Variants in CDH6 observed in about 807,000 individuals in gnomAD.
The protein encoded by CDH6 is cadherin-6.
In CDH6, 31 loss-of-function variants were observed where a neutral mutation model predicts 78.0. The observed-to-expected ratio is 0.40, with a 90% CI of 0.30 to 0.54. The LOEUF is 0.54. CDH6 is among the 20% of genes least tolerant of loss of function. CDH6 has a pLI of 0.56. For missense variants in CDH6, 724 were observed against 975.9 expected (o/e 0.74, Z 3.44); for synonymous variants, 376 against 368.8 (o/e 1.02, Z -0.23).
At chr5:31,279,650 G>T (rs1184034940) in intron 2 of CDH6, among the ~76,000 whole-genome samples, 1 of 152,086 alleles carries the variant, frequency 6.6e-6, no homozygotes, top group Non-Finnish European at 1.5e-5. Flanking sequence ...TTAAGTGGAG[G>T]TGGATCATCA....
At chr5:31,304,930 G>A (rs903895277) in intron 6 of CDH6, among the ~76,000 whole-genome samples, 1 of 152,002 alleles carries the variant, frequency 6.6e-6, no homozygotes, top group Non-Finnish European at 1.5e-5. Flanking sequence ...ATTTTTCAGG[G>A]CTGTGTGGCT....
chr5:31,321,261 A>T (rs2149961664), intron 11 of CDH6, among the ~76,000 whole-genome samples: 1 of 146,242 alleles, frequency 6.8e-6, no homozygotes, highest in South Asian at 2.1e-4. Context: ...GAATGGTTGC[A>T]TCAAACAAGG....
chr5:31,313,262 T>G (rs1025805178), intron 7 of CDH6, 56 bp from the exon 8 acceptor site: 49 of 1,490,526 alleles, frequency 3.3e-5, no homozygotes, highest in Non-Finnish European at 4.4e-5. Flanking sequence ...TGTTCTATGA[T>G]GTGAGAATAG....
At chr5:31,253,246 C>A (rs749442070) in intron 1 of CDH6, among the ~76,000 whole-genome samples, 1 of 152,150 alleles carries the variant, frequency 6.6e-6, no homozygotes, top group African/African-American at 2.4e-5. Context: ...CGGAGGGACC[C>A]AGTGGGAGGT....
chr5:31,224,963 A>G (rs1741108780), intron 1 of CDH6, among the ~76,000 whole-genome samples: 1 of 152,172 alleles, frequency 6.6e-6, no homozygotes, highest in Non-Finnish European at 1.5e-5. Flanking sequence ...ACTACAGGTG[A>G]TTTTGCTCCC....
chr5:31,205,993 T>C (rs6896244), intron 1 of CDH6, among the ~76,000 whole-genome samples: 64,050 of 152,012 alleles, frequency 0.42, 13,958 homozygotes, highest in South Asian at 0.55. Flanking sequence ...AATTAAGCAA[T>C]TTGCCCAAGG....
chr5:31,256,301 G>A (rs191125628), intron 1 of CDH6, among the ~76,000 whole-genome samples: 3 of 152,210 alleles, frequency 2.0e-5, no homozygotes, highest in African/African-American at 7.2e-5. Context: ...TTTTTAATTA[G>A]TGGGGATTAA....
intron 7 of CDH6, among the ~76,000 whole-genome samples, chr5:31,312,555 G>A (rs917246013): frequency 1.3e-5 from 2 of 152,138 alleles, no homozygotes; most frequent in Non-Finnish European, 2.9e-5. Flanking sequence ...GCAGGGCATG[G>A]TGACACGCAC....
chr5:31,235,179 T>C (rs1741417483), intron 1 of CDH6, among the ~76,000 whole-genome samples: 1 of 151,780 alleles, frequency 6.6e-6, no homozygotes, highest in African/African-American at 2.4e-5. Flanking sequence ...TCAATTTCTT[T>C]AGGGTTTAAA....
At position 31,302,118 on chromosome 5, in the gene CDH6, C is replaced by T. The variant is rs779643963; in HGVS notation, c.819C>T (p.Tyr273=). ...CTGTCTGGTGATTAATAGGTACATA[C>T]CAGTTTAAAACTCCTGAATCTTCTC... ...DNPPRFPQST[Y]QFKTPESSPP... is the part of the protein sequence containing the mutation. The change falls in exon 6 of 12, where the codon TAC becomes TAT. Residue 273 remains tyrosine (Y), a synonymous_variant. Coordinates refer to ENST00000265071, the MANE Select transcript of CDH6 (RefSeq NM_004932.4). 1.4e-5 allele frequency: 23 copies of T among 1,611,564 alleles called. No homozygotes were observed. In the South Asian group the frequency reaches 2.2e-4, roughly 15 times the overall value.
chr5:31,207,759 G>A (rs998416615), intron 1 of CDH6, among the ~76,000 whole-genome samples: 4 of 152,170 alleles, frequency 2.6e-5, no homozygotes, highest in African/African-American at 9.6e-5. Flanking sequence ...TTGTGTTGGA[G>A]GTTAGTTTTC....
intron 1 of CDH6, among the ~76,000 whole-genome samples, chr5:31,194,472 G>C (rs186343914): frequency 5.3e-5 from 8 of 152,276 alleles, no homozygotes; most frequent in Non-Finnish European, 2.9e-5. Flanking sequence ...CTAAAGAGAC[G>C]ATTTGGCTGG....
intron 1 of CDH6, among the ~76,000 whole-genome samples, chr5:31,256,955 A>C (rs1488391066): frequency 6.6e-6 from 1 of 152,194 alleles, no homozygotes; most frequent in African/African-American, 2.4e-5. Flanking sequence ...AGAGAGTAAG[A>C]TCTAAACCCC....
At chr5:31,234,176 T>C (rs1579837973) in intron 1 of CDH6, among the ~76,000 whole-genome samples, 1 of 152,344 alleles carries the variant, frequency 6.6e-6, no homozygotes, top group Admixed American at 6.5e-5. Flanking sequence ...GTTTTTTTTA[T>C]TCTTTATTAA....
In CDH6 at chr5:31,270,139, T is replaced by C. The variant is rs560632344; in HGVS notation, c.228+2438T>C. Reference sequence around the variant, plus strand: ...TTGTGGCCACAAGTTGGTCCACCTTTAATTTATCTGGGATAAAAGAGACAC... The same window carrying C: ...TTGTGGCCACAAGTTGGTCCACCTTCAATTTATCTGGGATAAAAGAGACAC... On this transcript the variant is annotated intron_variant, in intron 2 of 11. Coordinates refer to ENST00000265071, the MANE Select transcript of CDH6 (RefSeq NM_004932.4). Among the ~76,000 whole-genome samples the C allele has an allele frequency of 1.8e-4, 27 of 152,334 alleles. No individual in the cohort carries two copies. In the East Asian group the frequency reaches 5.0e-3, roughly 28 times the overall value.
intron 8 of CDH6, among the ~76,000 whole-genome samples, chr5:31,313,745 A>C (rs916893756): frequency 1.3e-5 from 2 of 152,186 alleles, no homozygotes; most frequent in Non-Finnish European, 2.9e-5. Context: ...AAAGCTTATA[A>C]ATTAGAACAT....
At chr5:31,272,954 A>C (rs1446256159) in intron 2 of CDH6, among the ~76,000 whole-genome samples, 1 of 152,172 alleles carries the variant, frequency 6.6e-6, no homozygotes, top group Non-Finnish European at 1.5e-5. Flanking sequence ...TTGAGGCCTT[A>C]ATGTACAGGC....
chr5:31,290,236 G>A (rs1218092759), intron 2 of CDH6, among the ~76,000 whole-genome samples: 1 of 152,088 alleles, frequency 6.6e-6, no homozygotes, highest in East Asian at 1.9e-4. Context: ...CTCCAGCCTG[G>A]GCAACAGAGT....
At chr5:31,303,210 G>A (rs935568306) in intron 6 of CDH6, among the ~76,000 whole-genome samples, 9 of 152,100 alleles carry the variant, frequency 5.9e-5, no homozygotes, top group African/African-American at 2.2e-4. Context: ...AGGTGCACTG[G>A]TACATACAAC....
Sources: allele counts gnomAD v4.1 joint callset (sites outside exome capture counted in the v4.1 genomes callset), GRCh38; gene constraint gnomAD v4.1.1; transcripts MANE v1.5; gene names NCBI Gene and HGNC (gene_info 2026-07-23, HGNC 2026-07-21).